The following CCDC192 variants were observed in gnomAD, a reference collection of about 807,000 sequenced individuals.
CCDC192 encodes the protein coiled-coil domain containing 192, also known as coiled-coil domain-containing protein 192.
chr5:127,903,241 ATTTT>A (rs748694522), intron 6 of CCDC192, among the ~76,000 whole-genome samples: 1 of 143,384 alleles, frequency 7.0e-6, no homozygotes, highest in Non-Finnish European at 1.5e-5. Flanking sequence ...TTTTGGAGGA[ATTTT>A]TTTTTTTTTT....
chr5:127,933,759 C>T (rs926132473), intron 6 of CCDC192, among the ~76,000 whole-genome samples: 1 of 152,042 alleles, frequency 6.6e-6, no homozygotes, highest in African/African-American at 2.4e-5. Flanking sequence ...TAGGAGGTGA[C>T]AAGGTCATGA....
chr5:127,816,924 A>AT (rs1330311284), intron 5 of CCDC192, among the ~76,000 whole-genome samples: 1 of 152,220 alleles, frequency 6.6e-6, no homozygotes, highest in Non-Finnish European at 1.5e-5. Context: ...GGCTGGAAAA[A>AT]TATTAGAGTT....
At chr5:127,913,602 T>C (rs1019204266) in intron 6 of CCDC192, among the ~76,000 whole-genome samples, 1 of 152,222 alleles carries the variant, frequency 6.6e-6, no homozygotes, top group Non-Finnish European at 1.5e-5. Context: ...TTGAAAATTT[T>C]AAAACATATG....
intron 5 of CCDC192, among the ~76,000 whole-genome samples, chr5:127,799,966 T>G (rs537190986): frequency 6.6e-6 from 1 of 152,266 alleles, no homozygotes; most frequent in East Asian, 1.9e-4. Context: ...GGAAGATATT[T>G]CACATATCTA....
At chr5:127,799,799 C>A in intron 5 of CCDC192, among the ~76,000 whole-genome samples, 1 of 152,082 alleles carries the variant, frequency 6.6e-6, no homozygotes, top group East Asian at 1.9e-4. Context: ...GGTATTGATA[C>A]CAGTGACTGA....
chr5:127,869,824 A>G (rs923838089), intron 5 of CCDC192, among the ~76,000 whole-genome samples: 1 of 152,194 alleles, frequency 6.6e-6, no homozygotes, highest in Non-Finnish European at 1.5e-5. Flanking sequence ...GGAGTAACTA[A>G]AATATATTTC....
In CCDC192 at chr5:127,941,301, C is replaced by T. The variant is rs1019289822; in HGVS notation, c.655C>T (p.Gln219Ter). 2.5e-6 allele frequency: 1 copy of T among 399,018 alleles called. No homozygotes were observed. Among genetic ancestry groups the T allele is most frequent in the African/African-American group, 2.1e-5 (1 of 48,720 alleles). The allele number at this position is 399,018 out of a possible 1,614,324, so 24.7% of individuals were successfully genotyped here. Residue 219 changes from glutamine to a stop codon, truncating the protein, a stop_gained, in exon 7 of 7, where the codon CAG (glutamine) becomes TAG (stop). Coordinates refer to ENST00000514853, the MANE Select transcript of CCDC192 (RefSeq NM_001317938.2). LOFTEE classifies it low-confidence loss of function (END_TRUNC). Reference protein sequence around the residue: ...QVSLQTERITQLKEVLEEKER... With the variant: ...QVSLQTERIT ...TTCCCTTCAGACTGAGAGAATTACTCAGCTGAAAGAAGTTTTGGAGGAAAA... is the reference window on the plus strand; with the variant it reads ...TTCCCTTCAGACTGAGAGAATTACTTAGCTGAAAGAAGTTTTGGAGGAAAA...
intron 3 of CCDC192, among the ~76,000 whole-genome samples, chr5:127,774,297 G>A: frequency 6.6e-6 from 1 of 152,006 alleles, no homozygotes; most frequent in East Asian, 1.9e-4. Flanking sequence ...CATTTTTTGT[G>A]TGTTTTTGCT....
At chr5:127,782,171 T>A (rs1259789917) in intron 3 of CCDC192, among the ~76,000 whole-genome samples, 1 of 152,248 alleles carries the variant, frequency 6.6e-6, no homozygotes, top group Non-Finnish European at 1.5e-5. Context: ...GAAATCCACT[T>A]GATCATGGTG....
At chr5:127,770,031 A>G (rs1399579132) in intron 3 of CCDC192, among the ~76,000 whole-genome samples, 3 of 152,182 alleles carry the variant, frequency 2.0e-5, no homozygotes, top group Admixed American at 2.0e-4. Flanking sequence ...TAAAACTCTA[A>G]TTTGAGATTC....
chr5:127,933,464 G>A (rs1438142918), intron 6 of CCDC192, among the ~76,000 whole-genome samples: 1 of 152,182 alleles, frequency 6.6e-6, no homozygotes, highest in Non-Finnish European at 1.5e-5. Flanking sequence ...TAAGAAGTAA[G>A]ATAGGAATCT....
At chr5:127,812,605 CA>C (rs1044083483) in intron 5 of CCDC192, among the ~76,000 whole-genome samples, 1 of 151,920 alleles carries the variant, frequency 6.6e-6, no homozygotes, top group East Asian at 1.9e-4. Flanking sequence ...TCACTGTCTT[CA>C]AAAAAAATAC....
At chr5:127,769,099 C>T (rs896492290) in intron 3 of CCDC192, among the ~76,000 whole-genome samples, 8 of 152,046 alleles carry the variant, frequency 5.3e-5, no homozygotes, top group African/African-American at 1.2e-4. Flanking sequence ...TATTAATTAC[C>T]GCATGTAAAT....
chr5:127,710,229 T>C (rs74398675), intron 2 of CCDC192, among the ~76,000 whole-genome samples: 2,020 of 152,302 alleles, frequency 0.013, 42 homozygotes, highest in African/African-American at 0.043. Flanking sequence ...TGCTGCCTTC[T>C]TCCACAACGC....
intron 5 of CCDC192, among the ~76,000 whole-genome samples, chr5:127,853,977 C>A (rs1389891674): frequency 6.6e-6 from 1 of 152,180 alleles, no homozygotes; most frequent in Admixed American, 6.5e-5. Flanking sequence ...CTATTCCCAG[C>A]TCCCCAAAGG....
chr5:127,865,390 G>T lies in CCDC192; in HGVS notation c.412-10148G>T, dbSNP rs1430422555. ...GTGCTCAACTACTTCCACAGAGCAGGACTGACACCTTTAAGTAAAGAAGTT... is the reference window on the plus strand; with the variant it reads ...GTGCTCAACTACTTCCACAGAGCAGTACTGACACCTTTAAGTAAAGAAGTT... On this transcript the variant is annotated intron_variant, in intron 5 of 6. Coordinates refer to ENST00000514853, the MANE Select transcript of CCDC192 (RefSeq NM_001317938.2). Among the ~76,000 whole-genome samples the T allele has an allele frequency of 3.3e-5, 5 of 152,062 alleles. No homozygotes were observed. In the South Asian group the frequency reaches 6.2e-4, roughly 19 times the overall value.
At chr5:127,834,724 A>G (rs1043733522) in intron 5 of CCDC192, among the ~76,000 whole-genome samples, 1 of 152,192 alleles carries the variant, frequency 6.6e-6, no homozygotes, top group Non-Finnish European at 1.5e-5. Context: ...ACCTTCCCCA[A>G]GGGTCAGCTG....
At chr5:127,730,824 A>G (rs1752600623) in intron 2 of CCDC192, among the ~76,000 whole-genome samples, 1 of 152,250 alleles carries the variant, frequency 6.6e-6, no homozygotes, top group African/African-American at 2.4e-5. Flanking sequence ...ACATCACTTT[A>G]TGTTAAAAAC....
chr5:127,727,728 G>A (rs897397514), intron 2 of CCDC192, among the ~76,000 whole-genome samples: 4 of 152,272 alleles, frequency 2.6e-5, no homozygotes, highest in Non-Finnish European at 5.9e-5. Context: ...CAGAAGGTGC[G>A]TAATAATGAA....
Sources: allele counts gnomAD v4.1 joint callset (sites outside exome capture counted in the v4.1 genomes callset), GRCh38; gene constraint gnomAD v4.1.1; transcripts MANE v1.5; gene names NCBI Gene and HGNC (gene_info 2026-07-23, HGNC 2026-07-21).